The following ZFYVE28 variants were observed in gnomAD, a reference collection of about 807,000 sequenced individuals.
ZFYVE28 encodes the protein lateral signaling target protein 2 homolog.
A neutral mutation model predicts 82.1 loss-of-function variants in ZFYVE28; 40 were observed. The ratio of observed to expected loss-of-function variants is 0.49; its 90% confidence interval spans 0.38 to 0.63. The LOEUF (loss-of-function observed/expected upper bound fraction) is 0.63, where lower values mean the gene tolerates loss of function less well. ZFYVE28 is among the 30% of genes least tolerant of loss of function. The pLI is 0.00. For synonymous variants in ZFYVE28, 612 were observed against 546.1 expected, an observed-to-expected ratio of 1.12 and a Z score of -1.68; for missense variants, 1,321 against 1,242.1, an observed-to-expected ratio of 1.06 and a Z score of -0.96.
At chr4:2,360,123 G>A (rs182250722) in intron 1 of ZFYVE28, among the ~76,000 whole-genome samples, 198 of 152,040 alleles carry the variant, frequency 1.3e-3, no homozygotes, top group Middle Eastern at 3.4e-3. Flanking sequence ...AATTGCCTGC[G>A]CGTGGGAAAG....
chr4:2,359,817 C>T (rs982655112), intron 1 of ZFYVE28, among the ~76,000 whole-genome samples: 1 of 152,208 alleles, frequency 6.6e-6, no homozygotes, highest in African/African-American at 2.4e-5. Context: ...GGAGCCCTGA[C>T]ATCCACTTAG....
Position 2,341,690 on chromosome 4 carries a change from C to T in ZFYVE28, c.181-75G>A, listed in dbSNP as rs567369408. On this transcript the variant is annotated intron_variant, in intron 2 of 12. Coordinates refer to ENST00000290974, the MANE Select transcript of ZFYVE28 (RefSeq NM_020972.3). The surrounding 1 kb of genome is among the most constrained non-coding windows in gnomAD (Gnocchi z 4.5). The stretch of plus-strand genomic sequence containing the variant: ...GGCCGCCATGTACTGCTGGAAAACA[C>T]GCACGGTGCATGTGACTGTTTTTTA... 4,513 of 1,557,600 alleles carry T rather than the reference C, an allele frequency of 2.9e-3. 4 individuals are homozygous for T. The highest frequency in any genetic ancestry group is 3.7e-3 in the Non-Finnish European group (4,172 of 1,141,630).
intron 1 of ZFYVE28, among the ~76,000 whole-genome samples, chr4:2,371,344 A>T (rs1055235591): frequency 6.6e-6 from 1 of 152,092 alleles, no homozygotes; most frequent in African/African-American, 2.4e-5. Flanking sequence ...GAAGCATTTG[A>T]CTTATAAAGG....
intron 1 of ZFYVE28, among the ~76,000 whole-genome samples, chr4:2,357,815 G>A (rs1209360763): frequency 6.7e-6 from 1 of 150,276 alleles, no homozygotes; most frequent in Admixed American, 6.7e-5. Context: ...ACACGAGCAG[G>A]GGCCACGCAG....
At chr4:2,355,792 G>T (rs1478431757) in intron 1 of ZFYVE28, among the ~76,000 whole-genome samples, 4 of 152,152 alleles carry the variant, frequency 2.6e-5, no homozygotes, top group African/African-American at 7.2e-5. Flanking sequence ...GCCCAGCCTG[G>T]TCTTGAACTC....
intron 4 of ZFYVE28, among the ~76,000 whole-genome samples, chr4:2,338,534 G>A (rs372567967): frequency 6.8e-4 from 103 of 152,214 alleles, no homozygotes; most frequent in African/African-American, 1.8e-3. Context: ...TGGAGGTCGC[G>A]GTGAGCTGAG....
At chr4:2,276,126 G>A (rs994406219) in intron 8 of ZFYVE28, among the ~76,000 whole-genome samples, 2 of 152,116 alleles carry the variant, frequency 1.3e-5, no homozygotes, top group Non-Finnish European at 2.9e-5. Flanking sequence ...GAGAATTCAG[G>A]GCAGCGGGCT....
At chr4:2,291,787 AG>A (rs1226944664) in intron 8 of ZFYVE28, among the ~76,000 whole-genome samples, 8 of 152,184 alleles carry the variant, frequency 5.3e-5, no homozygotes, top group Non-Finnish European at 1.0e-4. Context: ...TGGCTGGTGG[AG>A]GACATGAACC....
At chr4:2,325,903 AT>A (rs879673269) in intron 6 of ZFYVE28, among the ~76,000 whole-genome samples, 1 of 151,086 alleles carries the variant, frequency 6.6e-6, no homozygotes, top group Admixed American at 6.6e-5. Context: ...TCTTACCCAT[AT>A]TTTTTTTAAT....
chr4:2,348,906 G>A (rs1355637266), intron 2 of ZFYVE28, among the ~76,000 whole-genome samples: 4 of 152,038 alleles, frequency 2.6e-5, no homozygotes, highest in African/African-American at 9.7e-5. Context: ...AAAATGATGC[G>A]TCTTCCATCA....
In ZFYVE28 at chr4:2,304,894, C is replaced by G. The variant is rs1433622146; in HGVS notation, c.1446G>C (p.Leu482=). The G allele has an allele frequency of 6.2e-7, 1 of 1,612,692 alleles. No individual in the cohort carries two copies. The highest frequency in any genetic ancestry group is 2.2e-5 in the East Asian group (1 of 44,868). The change falls in exon 8 of 13, where the codon CTG becomes CTC. Residue 482 remains leucine (L), a synonymous_variant. Coordinates refer to ENST00000290974, the MANE Select transcript of ZFYVE28 (RefSeq NM_020972.3). The part of the protein sequence containing the change: ...SLAGTSSCSC[L]DSRLHLDGWE... ...AGCCGTCCAGGTGCAGCCGCGAGTC[C>G]AGGCAGCTGCAGGAGCTGGTGCCCG...
rs1297690433 is a variant in ZFYVE28, at chr4:2,304,898, C to A, written c.1442G>T (p.Cys481Phe). The part of the protein sequence containing the change: ...ASLAGTSSCS[C>F]LDSRLHLDGW... ...GTCCAGGTGCAGCCGCGAGTCCAGGCAGCTGCAGGAGCTGGTGCCCGCGAG... is the reference window on the plus strand; with the variant it reads ...GTCCAGGTGCAGCCGCGAGTCCAGGAAGCTGCAGGAGCTGGTGCCCGCGAG... Residue 481 changes from cysteine (C) to phenylalanine (F), a missense_variant, in exon 8 of 13, where the codon TGC becomes TTC. Cys to Phe is a radical substitution (Grantham distance 205). Coordinates refer to ENST00000290974, the MANE Select transcript of ZFYVE28 (RefSeq NM_020972.3). 1.2e-6 allele frequency: 2 copies of A among 1,612,726 alleles called. No individual in the cohort carries two copies. The highest frequency in any genetic ancestry group is 1.7e-6 in the Non-Finnish European group (2 of 1,179,878).
At chr4:2,348,563 G>A (rs1465728732) in intron 2 of ZFYVE28, among the ~76,000 whole-genome samples, 1 of 152,150 alleles carries the variant, frequency 6.6e-6, no homozygotes, top group Non-Finnish European at 1.5e-5. Context: ...ATGCGTAAAA[G>A]GATAATGTAC....
rs1464849278 is a variant in ZFYVE28 at position 2,372,557 on chromosome 4, T to G, written c.40-18484A>C. On this transcript the variant is annotated intron_variant, in intron 1 of 12. Coordinates refer to ENST00000290974, the MANE Select transcript of ZFYVE28 (RefSeq NM_020972.3). The surrounding 1 kb of genome is among the most constrained non-coding windows in gnomAD (Gnocchi z 5.2). ...CACCATGCCCTATCACCCCATCATG[T>G]GGGAGGGGTACACAGAGGTGCGGGC... Among the ~76,000 whole-genome samples the G allele has an allele frequency of 2.0e-5, 3 of 151,764 alleles. No individual in the cohort carries two copies. Among genetic ancestry groups the G allele is most frequent in the African/African-American group, 7.3e-5 (3 of 41,306 alleles).
chr4:2,340,705 A>G (rs1351308615), intron 3 of ZFYVE28, among the ~76,000 whole-genome samples: 2 of 152,134 alleles, frequency 1.3e-5, no homozygotes, highest in African/African-American at 2.4e-5. Flanking sequence ...GTGGAAACTG[A>G]GGCTGGGGAG....
chr4:2,356,008 C>T (rs1196432660), intron 1 of ZFYVE28, among the ~76,000 whole-genome samples: 1 of 152,224 alleles, frequency 6.6e-6, no homozygotes, highest in East Asian at 1.9e-4. Flanking sequence ...TCCGTCGGGG[C>T]CGTTTCCTCC....
At chr4:2,367,537 C>T (rs1052482595) in intron 1 of ZFYVE28, among the ~76,000 whole-genome samples, 3 of 152,246 alleles carry the variant, frequency 2.0e-5, no homozygotes, top group Admixed American at 6.5e-5. Context: ...TGAATTATTT[C>T]TCTCCTTCAA....
At position 2,418,177 on chromosome 4, in the gene ZFYVE28, C is replaced by G. The variant is rs564709854; in HGVS notation, c.39+108G>C. 4.6e-4 allele frequency: 486 copies of G among 1,068,032 alleles called. 13 individuals carry two copies. In the South Asian group the frequency reaches 5.9e-3, roughly 13 times the overall value. 66.2% of individuals were successfully genotyped at this position (1,068,032 alleles called of 1,614,324 possible). ...AGGATGTCGGCGGTGGGGGAAGAGGCCGGCCACGGACAGGGAAAGGGAGTC... is the reference window on the plus strand; with the variant it reads ...AGGATGTCGGCGGTGGGGGAAGAGGGCGGCCACGGACAGGGAAAGGGAGTC... On this transcript the variant is annotated intron_variant, in intron 1 of 12. Coordinates refer to ENST00000290974, the MANE Select transcript of ZFYVE28 (RefSeq NM_020972.3). This position sits in a 1 kb window ranked among gnomAD's most constrained non-coding sequence, Gnocchi z 4.6.
chr4:2,373,935 T>C (rs1375713209), intron 1 of ZFYVE28, among the ~76,000 whole-genome samples: 3 of 152,152 alleles, frequency 2.0e-5, no homozygotes, highest in Non-Finnish European at 4.4e-5. Context: ...CTGTGTCCTC[T>C]CTCCTCAGCA....
Sources: allele counts gnomAD v4.1 joint callset (sites outside exome capture counted in the v4.1 genomes callset), GRCh38; gene constraint gnomAD v4.1.1; non-coding constraint Gnocchi (gnomAD v3.1); transcripts MANE v1.5; gene names NCBI Gene and HGNC (gene_info 2026-07-23, HGNC 2026-07-21).